SCAI: variants seen among roughly 807,000 people sequenced by gnomAD.
SCAI encodes suppressor of cancer cell invasion.
Under a neutral mutation model 92.2 loss-of-function variants are expected in SCAI, and 24 were observed. That is an observed-to-expected ratio of 0.26 (90% CI 0.19 to 0.37). SCAI has a LOEUF of 0.37. SCAI is among the 10% of genes least tolerant of loss of function. The pLI is 1.00. For missense variants in SCAI, 450 were observed against 736.2 expected (o/e 0.61, Z 4.50); for synonymous variants, 261 against 258.6 (o/e 1.01, Z -0.09).
At chr9:124,980,096 A>G (rs1588129557) in intron 14 of SCAI, among the ~76,000 whole-genome samples, 1 of 152,090 alleles carries the variant, frequency 6.6e-6, no homozygotes, top group South Asian at 2.1e-4. Flanking sequence ...TATATTAGAA[A>G]TATTTTGTAA....
At chr9:124,973,660 C>T (rs775531911) in intron 15 of SCAI, among the ~76,000 whole-genome samples, 9 of 151,862 alleles carry the variant, frequency 5.9e-5, no homozygotes, top group Non-Finnish European at 1.2e-4. Context: ...TTTAGTCTCT[C>T]ATAAAAATAC....
chr9:124,948,294 G>A lies in SCAI; in HGVS notation c.*4513C>T, dbSNP rs541738719. The A allele has an allele frequency of 3.3e-5, 5 of 152,270 alleles. No individual in the cohort carries two copies. Among genetic ancestry groups the A allele is most frequent in the South Asian group, 4.1e-4 (2 of 4,826 alleles). 9.4% of individuals were successfully genotyped at this position (152,270 alleles called of 1,614,324 possible). ...CACTTTGCTTCTGAAATCCTGAAAC[G>A]TTTCAATTTGGTAAAAATAAAGAGG... On this transcript the variant is annotated 3_prime_UTR_variant, in exon 18 of 18. Transcript: ENST00000336505.
intron 2 of SCAI, among the ~76,000 whole-genome samples, chr9:125,133,490 G>C (rs1835448878): frequency 6.6e-6 from 1 of 152,178 alleles, no homozygotes; most frequent in Admixed American, 6.5e-5. Flanking sequence ...CAAAAAGTGA[G>C]CAAAAGATTT....
chr9:124,963,757 C>CAAAAAAAAAAAAA (rs36017738), intron 17 of SCAI, among the ~76,000 whole-genome samples: 1 of 52,288 alleles, frequency 1.9e-5, no homozygotes, highest in Non-Finnish European at 3.3e-5. Flanking sequence ...GAATCTGTCT[C>CAAAAAAAAAAAAA]AAAAAAAAAA....
chr9:125,092,073 T>C (rs939027724), intron 2 of SCAI, among the ~76,000 whole-genome samples: 2 of 140,322 alleles, frequency 1.4e-5, no homozygotes, highest in African/African-American at 5.3e-5. Context: ...GAGCTTGCAG[T>C]GAGCTGAGAT....
At chr9:125,059,864 C>T (rs1554786247) in intron 2 of SCAI, among the ~76,000 whole-genome samples, 1 of 152,154 alleles carries the variant, frequency 6.6e-6, no homozygotes, top group Non-Finnish European at 1.5e-5. Context: ...TACTTGAAAG[C>T]CTCTGAACAA....
intron 3 of SCAI, among the ~76,000 whole-genome samples, chr9:125,048,174 C>T (rs1833484776): frequency 6.6e-6 from 1 of 152,102 alleles, no homozygotes; most frequent in Admixed American, 6.6e-5. Flanking sequence ...GATGGGGTTT[C>T]ACCATGTTGG....
intron 3 of SCAI, among the ~76,000 whole-genome samples, chr9:125,049,025 G>A (rs187885290): frequency 1.2e-4 from 18 of 152,152 alleles, no homozygotes; most frequent in Admixed American, 5.9e-4. Context: ...GATTACAGGC[G>A]TGAGCCACCG....
At chr9:124,981,645 T>C (rs1358315588) in intron 14 of SCAI, among the ~76,000 whole-genome samples, 2 of 152,072 alleles carry the variant, frequency 1.3e-5, no homozygotes, top group Non-Finnish European at 2.9e-5. Context: ...ACATAGTTTA[T>C]AGTATTAAAT....
intron 15 of SCAI, chr9:124,975,321 T>C (rs1588126524): frequency 4.4e-6 from 2 of 456,718 alleles, no homozygotes; most frequent in East Asian, 6.9e-5. Context: ...TGTCAAACTA[T>C]GTCAGCAGAC....
intron 2 of SCAI, among the ~76,000 whole-genome samples, chr9:125,103,752 C>A (rs1834723704): frequency 6.6e-6 from 1 of 152,170 alleles, no homozygotes; most frequent in Non-Finnish European, 1.5e-5. Context: ...TTTCTTAGGA[C>A]TTCCTGAGTT....
Position 125,001,986 on chromosome 9 carries a change from T to C in SCAI, c.1123A>G (p.Thr375Ala), listed in dbSNP as rs1351448507. ...IYLSATGVFPTGRSDSEGPYD... is the reference protein window; with the variant it reads ...IYLSATGVFPAGRSDSEGPYD... ...GTACCTTCACTATCAGAACGACCTGTGGGGAAAACGCCAGTGGCCGACAGG... is the reference window on the plus strand; with the variant it reads ...GTACCTTCACTATCAGAACGACCTGCGGGGAAAACGCCAGTGGCCGACAGG... Residue 375 changes from threonine (T) to alanine (A), a missense_variant, in exon 12 of 18, where the codon ACA becomes GCA. Coordinates refer to ENST00000336505, the MANE Select transcript of SCAI (RefSeq NM_001144877.3). The C allele has an allele frequency of 6.2e-7, 1 of 1,613,322 alleles. No homozygotes were observed. Among genetic ancestry groups the C allele is most frequent in the Non-Finnish European group, 8.5e-7 (1 of 1,179,334 alleles).
intron 2 of SCAI, among the ~76,000 whole-genome samples, chr9:125,109,567 A>G (rs946868129): frequency 5.3e-5 from 8 of 152,128 alleles, no homozygotes; most frequent in African/African-American, 1.9e-4. Context: ...CTTATCAGTA[A>G]CCCATTACTA....
intron 2 of SCAI, among the ~76,000 whole-genome samples, chr9:125,133,881 G>A (rs1487696478): frequency 1.3e-5 from 2 of 152,128 alleles, no homozygotes; most frequent in South Asian, 2.1e-4. Context: ...TTAGGATGCT[G>A]TCCCATGCAT....
chr9:124,956,305 G>A lies in SCAI; in HGVS notation c.1675-3352C>T, dbSNP rs150901822. Among the ~76,000 whole-genome samples, 779 of 152,146 alleles carry A rather than the reference G, an allele frequency of 5.1e-3. 5 individuals are homozygous for A. Among genetic ancestry groups the A allele is most frequent in the African/African-American group, 0.018 (732 of 41,512 alleles). ...ACAATCTTGGCTCACCACAACTTCC[G>A]CCTGCTGGGTTCAAGAGATTTTCCT... On this transcript the variant is annotated intron_variant, in intron 17 of 17. Transcript: ENST00000336505.
intron 9 of SCAI, among the ~76,000 whole-genome samples, chr9:125,013,689 A>G (rs1451622056): frequency 6.6e-6 from 1 of 152,224 alleles, no homozygotes; most frequent in Non-Finnish European, 1.5e-5. Flanking sequence ...TGAGGCCAGC[A>G]TCATCCTGAT....
chr9:125,130,190 C>G (rs1204872929), intron 2 of SCAI, among the ~76,000 whole-genome samples: 1 of 152,114 alleles, frequency 6.6e-6, no homozygotes, highest in East Asian at 1.9e-4. Context: ...TGAGCCACCA[C>G]GTCCAGCCAA....
At chr9:125,009,827 A>G (rs1387344205) in intron 9 of SCAI, among the ~76,000 whole-genome samples, 1 of 152,074 alleles carries the variant, frequency 6.6e-6, no homozygotes, top group Non-Finnish European at 1.5e-5. Context: ...CAGGAGCCAG[A>G]GGTGGCAGTG....
intron 3 of SCAI, among the ~76,000 whole-genome samples, chr9:125,046,254 C>T (rs10986527): frequency 2.9e-5 from 3 of 104,280 alleles, no homozygotes; most frequent in African/African-American, 7.1e-5. Context: ...CATATATATA[C>T]ACATATATAC....
Sources: allele counts gnomAD v4.1 joint callset (sites outside exome capture counted in the v4.1 genomes callset), GRCh38; gene constraint gnomAD v4.1.1; transcripts MANE v1.5; gene names NCBI Gene and HGNC (gene_info 2026-07-23, HGNC 2026-07-21).